The following PTPN12 variants were observed in gnomAD, a reference collection of about 807,000 sequenced individuals.
PTPN12 encodes protein tyrosine phosphatase non-receptor type 12.
A neutral mutation model predicts 97.6 loss-of-function variants in PTPN12; 29 were observed. That is an observed-to-expected ratio of 0.30 (90% CI 0.22 to 0.41). PTPN12 has a LOEUF of 0.41. PTPN12 is among the 10% of genes least tolerant of loss of function. The pLI, the probability that PTPN12 is intolerant of heterozygous loss-of-function variation, is 1.00. For synonymous variants in PTPN12, 327 were observed against 300.4 expected, an observed-to-expected ratio of 1.09 and a Z score of -0.91; for missense variants, 819 against 926.0, an observed-to-expected ratio of 0.88 and a Z score of 1.50.
At chr7:77,554,843 T>G (rs1807632349) in intron 1 of PTPN12, among the ~76,000 whole-genome samples, 1 of 152,000 alleles carries the variant, frequency 6.6e-6, no homozygotes, top group Non-Finnish European at 1.5e-5. Context: ...CCATACTCAC[T>G]TAAGTTTTTT....
chr7:77,570,553 T>A (rs1423500571), intron 1 of PTPN12, among the ~76,000 whole-genome samples: 1 of 152,218 alleles, frequency 6.6e-6, no homozygotes, highest in Non-Finnish European at 1.5e-5. Context: ...ACAAACTAGT[T>A]CTGTAATGCA....
intron 16 of PTPN12, among the ~76,000 whole-genome samples, chr7:77,638,396 A>G (rs946899361): frequency 4.6e-5 from 7 of 152,228 alleles, no homozygotes; most frequent in Non-Finnish European, 7.4e-5. Flanking sequence ...GAATCCTCAC[A>G]TTGCAGAAGT....
At chr7:77,565,479 T>C (rs1222148198) in intron 1 of PTPN12, among the ~76,000 whole-genome samples, 1 of 152,242 alleles carries the variant, frequency 6.6e-6, no homozygotes, top group Non-Finnish European at 1.5e-5. Context: ...CTTGAACTGC[T>C]GTTGAATGGT....
chr7:77,595,273 C>T (rs1404410028), intron 6 of PTPN12, among the ~76,000 whole-genome samples: 2 of 152,168 alleles, frequency 1.3e-5, no homozygotes, highest in African/African-American at 2.4e-5. Context: ...TTATCATTGA[C>T]TTAACTGCAA....
intron 5 of PTPN12, among the ~76,000 whole-genome samples, chr7:77,590,271 C>T (rs971263386): frequency 6.6e-6 from 1 of 152,148 alleles, no homozygotes; most frequent in Non-Finnish European, 1.5e-5. Context: ...TATTACTGCT[C>T]ATCTGAATGA....
chr7:77,572,236 C>G (rs1278921238), intron 2 of PTPN12, among the ~76,000 whole-genome samples: 1 of 151,916 alleles, frequency 6.6e-6, no homozygotes, highest in Non-Finnish European at 1.5e-5. Flanking sequence ...TGGGACAGCT[C>G]TAATACAGGT....
intron 3 of PTPN12, among the ~76,000 whole-genome samples, chr7:77,582,601 TG>T (rs1787557959): frequency 6.6e-6 from 1 of 151,794 alleles, no homozygotes; most frequent in Non-Finnish European, 1.5e-5. Context: ...CTGGCCAACA[TG>T]GGGAAACCCA....
At chr7:77,539,988 T>A (rs752618193) in intron 1 of PTPN12, among the ~76,000 whole-genome samples, 1 of 151,690 alleles carries the variant, frequency 6.6e-6, no homozygotes, top group Non-Finnish European at 1.5e-5. Flanking sequence ...CTAAAACTAG[T>A]TTTTTACCGT....
intron 1 of PTPN12, among the ~76,000 whole-genome samples, chr7:77,565,178 T>C (rs1315149763): frequency 3.3e-5 from 5 of 151,904 alleles, no homozygotes; most frequent in Admixed American, 2.6e-4. Flanking sequence ...TCCCATCTTA[T>C]TCCGAAAGGA....
intron 11 of PTPN12, among the ~76,000 whole-genome samples, chr7:77,616,124 G>A (rs1481609595): frequency 2.0e-5 from 3 of 152,130 alleles, no homozygotes; most frequent in Non-Finnish European, 2.9e-5. Flanking sequence ...TGCCTAAAAT[G>A]TCCTTACTAT....
chr7:77,590,783 T>G (rs1014257868), intron 5 of PTPN12, among the ~76,000 whole-genome samples: 1 of 152,056 alleles, frequency 6.6e-6, no homozygotes, highest in African/African-American at 2.4e-5. Context: ...AGTCTGGTCT[T>G]GAACTCCTTG....
chr7:77,568,638 G>A (rs527973840), intron 1 of PTPN12, among the ~76,000 whole-genome samples: 3 of 152,284 alleles, frequency 2.0e-5, no homozygotes, highest in African/African-American at 2.4e-5. Flanking sequence ...GTGAGACTCC[G>A]TCTGTGAATG....
At chr7:77,573,999 C>T (rs1006193481) in intron 2 of PTPN12, among the ~76,000 whole-genome samples, 2 of 152,164 alleles carry the variant, frequency 1.3e-5, no homozygotes, top group Non-Finnish European at 2.9e-5. Context: ...AACGTCAGGT[C>T]ATCCGCCTCC....
At chr7:77,553,833 T>C (rs1287908547) in intron 1 of PTPN12, among the ~76,000 whole-genome samples, 2 of 141,596 alleles carry the variant, frequency 1.4e-5, no homozygotes, top group African/African-American at 5.4e-5. Flanking sequence ...TTTTCTGTTG[T>C]CATTGTTCTT....
intron 1 of PTPN12, among the ~76,000 whole-genome samples, chr7:77,539,688 G>T (rs1393621898): frequency 6.6e-6 from 1 of 152,128 alleles, no homozygotes; most frequent in Non-Finnish European, 1.5e-5. Context: ...GAGTGCAGCG[G>T]CGCAATCTCA....
chr7:77,588,079 T>G (rs1010446999), intron 5 of PTPN12, among the ~76,000 whole-genome samples: 8 of 152,208 alleles, frequency 5.3e-5, no homozygotes, highest in Admixed American at 6.5e-5. Context: ...TTGACCTACT[T>G]AATTTTTGTG....
intron 1 of PTPN12, among the ~76,000 whole-genome samples, chr7:77,568,836 G>A (rs1048196463): frequency 1.3e-5 from 2 of 151,912 alleles, no homozygotes; most frequent in African/African-American, 4.8e-5. Flanking sequence ...CCTTCTCTAA[G>A]TCAGATTCAA....
At chr7:77,565,461 GT>G (rs749556092) in intron 1 of PTPN12, among the ~76,000 whole-genome samples, 9 of 152,196 alleles carry the variant, frequency 5.9e-5, no homozygotes, top group Non-Finnish European at 7.3e-5. Flanking sequence ...AATGGTGGTG[GT>G]TTTTGGCTTG....
Position 77,626,972 on chromosome 7 carries a change from A to G in PTPN12, c.1293A>G (p.Glu431=), listed in dbSNP as rs572277920. The G allele has an allele frequency of 3.1e-6, 5 of 1,610,112 alleles. No individual in the cohort carries two copies. The East Asian group carries it at 1.1e-4, about 36-fold the overall frequency. ...TTGAACAGATAGATAAAAAATTGGA[A>G]CGAAATTTAAGTTTTGAGATTAAGA... The part of the protein sequence containing the change: ...STIEQIDKKL[E]RNLSFEIKKV... Residue 431 remains glutamate, a synonymous_variant, in exon 13 of 18, where the codon GAA becomes GAG. Coordinates refer to ENST00000248594, the MANE Select transcript of PTPN12 (RefSeq NM_002835.4).
Sources: allele counts gnomAD v4.1 joint callset (sites outside exome capture counted in the v4.1 genomes callset), GRCh38; gene constraint gnomAD v4.1.1; transcripts MANE v1.5; gene names NCBI Gene and HGNC (gene_info 2026-07-23, HGNC 2026-07-21).